Variants in SPAG6 observed in about 807,000 individuals in gnomAD.
SPAG6 encodes the protein sperm associated antigen 6.
Under a neutral mutation model 58.5 loss-of-function variants are expected in SPAG6, and 49 were observed. The observed-to-expected ratio is 0.84, with a 90% CI of 0.67 to 1.06. The LOEUF (loss-of-function observed/expected upper bound fraction) is 1.06, where lower values mean the gene tolerates loss of function less well. Among genes scored for constraint, SPAG6 ranks in the 50% least tolerant of loss-of-function variants. The pLI is 0.00. For missense variants in SPAG6, 560 were observed against 611.3 expected (o/e 0.92, Z 0.89); for synonymous variants, 233 against 225.6 (o/e 1.03, Z -0.29).
chr10:22,368,735 A>G (rs1837266688), intron 4 of SPAG6, 57 bp downstream of exon 4: 2 of 1,391,496 alleles, frequency 1.4e-6, no homozygotes, highest in Admixed American at 2.0e-5. Context: ...ATTCAGATTT[A>G]TTAGGTAAAT....
Position 22,411,107 on chromosome 10 carries a change from C to T in SPAG6, c.1391C>T (p.Ala464Val), listed in dbSNP as rs761121588. The change falls in exon 10 of 11, where the codon GCA becomes GTA. Residue 464 changes from alanine to valine, a missense_variant. Coordinates refer to ENST00000376624, the MANE Select transcript of SPAG6 (RefSeq NM_012443.4). ...CTTAAAAAAGTTCAAGAGATAAAAG[C>T]AGAACCTGGTTCTCTCCTTCAAGAA... ...GGLKKVQEIK[A>V]EPGSLLQEYI... 4.3e-6 allele frequency: 7 copies of T among 1,613,938 alleles called. No individual in the cohort carries two copies. The Admixed American group carries it at 1.2e-4, about 27-fold the overall frequency.
chr10:22,383,946 A>G (rs992996810), intron 4 of SPAG6, among the ~76,000 whole-genome samples: 4 of 152,212 alleles, frequency 2.6e-5, no homozygotes, highest in Admixed American at 1.3e-4. Flanking sequence ...GACACCAAGC[A>G]TAAGAGAGGA....
At chr10:22,374,817 G>A (rs1234246413) in intron 4 of SPAG6, among the ~76,000 whole-genome samples, 3 of 151,750 alleles carry the variant, frequency 2.0e-5, no homozygotes, top group African/African-American at 7.3e-5. Flanking sequence ...TTTTTGTACA[G>A]TGGCAAAAAA....
At chr10:22,377,724 C>A (rs966601667) in intron 4 of SPAG6, among the ~76,000 whole-genome samples, 2 of 152,234 alleles carry the variant, frequency 1.3e-5, no homozygotes, top group Admixed American at 6.5e-5. Flanking sequence ...AAAAACATGA[C>A]ATCTACATAT....
chr10:22,405,555 AT>A (rs1244962067), intron 9 of SPAG6, among the ~76,000 whole-genome samples: 2 of 149,280 alleles, frequency 1.3e-5, no homozygotes, highest in Non-Finnish European at 3.0e-5. Context: ...TTTATTGAGG[AT>A]TTTTGCATCA....
intron 8 of SPAG6, among the ~76,000 whole-genome samples, chr10:22,393,852 T>C (rs577444048): frequency 6.6e-6 from 1 of 152,300 alleles, no homozygotes; most frequent in South Asian, 2.1e-4. Flanking sequence ...TAGGGAAAAG[T>C]GTATCCAAGA....
chr10:22,358,055 G>A (rs973761354), intron 2 of SPAG6, among the ~76,000 whole-genome samples: 2 of 152,206 alleles, frequency 1.3e-5, no homozygotes, highest in African/African-American at 4.8e-5. Flanking sequence ...ACGTGTGCAT[G>A]TGTCTTTATA....
intron 10 of SPAG6, among the ~76,000 whole-genome samples, chr10:22,415,281 A>C (rs190917483): frequency 8.0e-4 from 121 of 150,834 alleles, no homozygotes; most frequent in Admixed American, 2.2e-3. Flanking sequence ...ATTAAAATAT[A>C]AAATTTATTA....
intron 9 of SPAG6, among the ~76,000 whole-genome samples, chr10:22,409,055 C>T (rs916470911): frequency 1.3e-5 from 2 of 152,322 alleles, no homozygotes; most frequent in African/African-American, 2.4e-5. Context: ...AACCTGGTAC[C>T]TCAGATGGAA....
At chr10:22,408,839 T>G (rs185571158) in intron 9 of SPAG6, among the ~76,000 whole-genome samples, 6 of 152,308 alleles carry the variant, frequency 3.9e-5, no homozygotes, top group African/African-American at 1.4e-4. Flanking sequence ...AATCTCCTGG[T>G]GCTCCGTTTT....
chr10:22,364,911 T>C lies in SPAG6; in HGVS notation c.180T>C (p.Thr60=), dbSNP rs2132049005. 6.2e-7 allele frequency: 1 copy of C among 1,613,574 alleles called. No individual in the cohort carries two copies. Among genetic ancestry groups the C allele is most frequent in the Non-Finnish European group, 8.5e-7 (1 of 1,179,614 alleles). Residue 60 remains threonine (T), a synonymous_variant, in exon 3 of 11, where the codon ACT becomes ACC. Coordinates refer to ENST00000376624, the MANE Select transcript of SPAG6 (RefSeq NM_012443.4). ...ACGTGGTCCCAACAATTCAACAGACTGCTGCTTTGGCTCTTGGGAGACTGG... is the reference window on the plus strand; with the variant it reads ...ACGTGGTCCCAACAATTCAACAGACCGCTGCTTTGGCTCTTGGGAGACTGG... The part of the protein sequence containing the change: ...LLDVVPTIQQ[T]AALALGRLAN...
intron 10 of SPAG6, among the ~76,000 whole-genome samples, chr10:22,413,687 T>TTATATATATATATATATATATATATATA (rs1564384057): frequency 2.3e-5 from 3 of 130,172 alleles, no homozygotes; most frequent in African/African-American, 1.3e-4. Flanking sequence ...TTCAAATTTC[T>TTATATATATATATATATATATATATATA]GATATATATA....
chr10:22,386,641 G>T, intron 4 of SPAG6, 113 bp from the exon 5 acceptor site: 1 of 762,838 alleles, frequency 1.3e-6, no homozygotes, highest in Non-Finnish European at 2.3e-6. Flanking sequence ...CAGATGTTGA[G>T]AGAGTGAAGT....
chr10:22,387,362 T>C (rs1302353126), intron 5 of SPAG6, among the ~76,000 whole-genome samples: 1 of 152,198 alleles, frequency 6.6e-6, no homozygotes, highest in Non-Finnish European at 1.5e-5. Context: ...TCACCAATTA[T>C]ACTTTTATAT....
At chr10:22,365,167 T>A (rs938828277) in intron 3 of SPAG6, 148 bp downstream of exon 3, 2 of 568,726 alleles carry the variant, frequency 3.5e-6, no homozygotes, top group African/African-American at 3.8e-5. Flanking sequence ...TAATCATATT[T>A]TCAGGGTATT....
chr10:22,378,198 G>A (rs1199811211), intron 4 of SPAG6, among the ~76,000 whole-genome samples: 4 of 151,132 alleles, frequency 2.6e-5, no homozygotes, highest in African/African-American at 7.3e-5. Flanking sequence ...CGAGTAGCTG[G>A]GATTGCAGGT....
At chr10:22,357,122 T>C (rs1238845548) in intron 2 of SPAG6, among the ~76,000 whole-genome samples, 1 of 152,150 alleles carries the variant, frequency 6.6e-6, no homozygotes, top group Non-Finnish European at 1.5e-5. Context: ...ATTCAATCCT[T>C]TCTCTCCATC....
At chr10:22,354,303 A>G (rs545859676) in intron 2 of SPAG6, among the ~76,000 whole-genome samples, 1 of 152,320 alleles carries the variant, frequency 6.6e-6, no homozygotes, top group South Asian at 2.1e-4. Context: ...GGGTTGGGGC[A>G]GGTAAGGCGA....
At position 22,386,331 on chromosome 10, in the gene SPAG6, G is replaced by A. The variant is rs990623440; in HGVS notation, c.473-423G>A. ...AAGATTGATGTTAATGTTTACTCAC[G>A]TAAATAGCACAAAATACTGCCTAAT... On this transcript the variant is annotated intron_variant, in intron 4 of 10. Coordinates refer to ENST00000376624, the MANE Select transcript of SPAG6 (RefSeq NM_012443.4). 1.2e-4 allele frequency among the ~76,000 whole-genome samples: 18 copies of A among 152,162 alleles called. 1 individual carries two copies. In the South Asian group the frequency reaches 1.2e-3, roughly 11 times the overall value.
Sources: allele counts gnomAD v4.1 joint callset (sites outside exome capture counted in the v4.1 genomes callset), GRCh38; gene constraint gnomAD v4.1.1; transcripts MANE v1.5; gene names NCBI Gene and HGNC (gene_info 2026-07-23, HGNC 2026-07-21).